Variants in TTYH3 observed in about 807,000 individuals in gnomAD.
The protein encoded by TTYH3 is protein tweety homolog 3.
Under a neutral mutation model 68.2 loss-of-function variants are expected in TTYH3, and 23 were observed. The observed-to-expected ratio is 0.34, with a 90% CI of 0.24 to 0.48. TTYH3 has a LOEUF of 0.48. Among genes scored for constraint, TTYH3 ranks in the 20% least tolerant of loss-of-function variants. The pLI is 0.99. For synonymous variants in TTYH3, 360 were observed against 332.8 expected (o/e 1.08, Z -0.89); for missense variants, 768 against 727.7 (o/e 1.06, Z -0.64).
Position 2,658,291 on chromosome 7 carries a change from CTGATGAGGACGGGGA to C in TTYH3, c.1257_1271del (p.Asp420_Glu424del). On this transcript the variant is annotated inframe_deletion, in exon 12 of 14. Transcript: ENST00000258796. ...CTGCGTGTCCCTCCTCACAGAGGCC[CTGATGAGGACGGGGA>C]GGAGGAGGCCGCTCCAGGGCCGCGG... The C allele has an allele frequency of 1.3e-6, 2 of 1,575,826 alleles. No individual in the cohort carries two copies. Among genetic ancestry groups the C allele is most frequent in the Non-Finnish European group, 1.7e-6 (2 of 1,159,494 alleles).
At chr7:2,642,998 G>C (rs1398571179) in intron 1 of TTYH3, among the ~76,000 whole-genome samples, 1 of 150,850 alleles carries the variant, frequency 6.6e-6, no homozygotes, top group Non-Finnish European at 1.5e-5. Context: ...GGGAGGCGGA[G>C]GTTTCAGTGA....
chr7:2,643,343 A>G (rs1785902247), intron 1 of TTYH3, among the ~76,000 whole-genome samples: 1 of 141,866 alleles, frequency 7.0e-6, no homozygotes. Flanking sequence ...CGACAGAGCG[A>G]GACTCTGTCT....
At chr7:2,656,682 T>TAGAGAGGC in intron 11 of TTYH3, 148 bp downstream of exon 11, 1 of 965,148 alleles carries the variant, frequency 1.0e-6, no homozygotes, top group Non-Finnish European at 1.4e-6. Flanking sequence ...CCTAGGCCTC[T>TAGAGAGGC]CTAGTGTCTC....
At chr7:2,648,132 C>A in intron 5 of TTYH3, 78 bp downstream of exon 5, 1 of 1,370,214 alleles carries the variant, frequency 7.3e-7, no homozygotes, top group Non-Finnish European at 1.0e-6. Context: ...CCTTCCCCCA[C>A]CTCATCTGCA....
chr7:2,636,697 A>G (rs1237773421), intron 1 of TTYH3, among the ~76,000 whole-genome samples: 5 of 152,060 alleles, frequency 3.3e-5, no homozygotes, highest in African/African-American at 4.8e-5. Flanking sequence ...GTCCCAGTCC[A>G]CTCAGGATTT....
rs190177039 is a variant in TTYH3 at position 2,650,911 on chromosome 7, C to T, written c.871+923C>T. Among the ~76,000 whole-genome samples, 115 of 151,756 alleles carry T rather than the reference C, an allele frequency of 7.6e-4. 1 individual carries two copies. The highest frequency in any genetic ancestry group is 6.8e-3 in the Middle Eastern group (2 of 294). On this transcript the variant is annotated intron_variant, in intron 7 of 13. Transcript: ENST00000258796. The stretch of plus-strand genomic sequence containing the variant: ...TGAGGGCGGAGCTGGCAGGACTTCC[C>T]GGTCAGTTGGATGTAGGGAGCGAGA...
Position 2,662,055 on chromosome 7 carries a change from A to C in TTYH3, c.*316A>C. On this transcript the variant is annotated 3_prime_UTR_variant, in exon 14 of 14. Transcript: ENST00000258796. ...GCACCTACAAGCCCTGGCCGCACCC[A>C]ACCTGTGTTGTTGCCGCCCGGCCCT... The C allele has an allele frequency of 1.9e-6, 1 of 528,652 alleles. No individual in the cohort carries two copies. The highest frequency in any genetic ancestry group is 3.4e-6 in the Non-Finnish European group (1 of 292,656). The allele number at this position is 528,652 out of a possible 1,614,324, so 32.7% of individuals were successfully genotyped here. A position where few individuals can be genotyped will look rare whatever the true frequency, so the allele number is the denominator to read the frequency against.
chr7:2,657,284 A>G (rs1406617455), intron 11 of TTYH3, among the ~76,000 whole-genome samples: 1 of 152,012 alleles, frequency 6.6e-6, no homozygotes, highest in African/African-American at 2.4e-5. Context: ...TTCCTTTGTG[A>G]TGGTGATGGT....
chr7:2,649,443 G>T, intron 5 of TTYH3, 124 bp from the exon 6 acceptor site: 1 of 941,196 alleles, frequency 1.1e-6, no homozygotes, highest in Non-Finnish European at 1.6e-6. Flanking sequence ...CACAGGAAGA[G>T]CCCCAGCCCA....
In TTYH3 at chr7:2,660,086, C is replaced by A. The variant is rs1283598239; in HGVS notation, c.1500+1071C>A. On this transcript the variant is annotated intron_variant, in intron 13 of 13. Transcript: ENST00000258796. ...CATCCCGCACGGCCACCCGCCTGCGCCTCCCGCCTCCACCCTGCACTCACT... is the reference window on the plus strand; with the variant it reads ...CATCCCGCACGGCCACCCGCCTGCGACTCCCGCCTCCACCCTGCACTCACT... 14 of 1,283,508 alleles carry A rather than the reference C, an allele frequency of 1.1e-5. No homozygotes were observed. The Admixed American group carries it at 3.3e-4, about 30-fold the overall frequency. 79.5% of individuals were successfully genotyped at this position (1,283,508 alleles called of 1,614,324 possible). A position where few individuals can be genotyped will look rare whatever the true frequency, so the allele number is the denominator to read the frequency against.
At chr7:2,653,132 G>A (rs1015627318) in intron 9 of TTYH3, 122 bp downstream of exon 9, 12 of 808,540 alleles carry the variant, frequency 1.5e-5, no homozygotes, top group East Asian at 2.7e-5. Flanking sequence ...TGGCCGAGTG[G>A]GGACCTGGTG....
At chr7:2,637,587 G>T (rs1237426581) in intron 1 of TTYH3, among the ~76,000 whole-genome samples, 1 of 152,190 alleles carries the variant, frequency 6.6e-6, no homozygotes, top group East Asian at 1.9e-4. Flanking sequence ...TCCCCCACCT[G>T]CCCCACCGTC....
chr7:2,639,444 T>A (rs866588390), intron 1 of TTYH3, among the ~76,000 whole-genome samples: 1 of 152,202 alleles, frequency 6.6e-6, no homozygotes, highest in Non-Finnish European at 1.5e-5. Context: ...GCCTCATTCC[T>A]CTTCCTGCCT....
Position 2,663,080 on chromosome 7 carries a change from G to GT in TTYH3, c.*1342dup, listed in dbSNP as rs1207273463. On this transcript the variant is annotated 3_prime_UTR_variant, in exon 14 of 14. Transcript: ENST00000258796. Reference sequence around the variant, plus strand: ...TACGATGTTTGCTGTGCTTCCCGCCGTGGAGGGCAGAGCCACCCCACATCA... The same window carrying GT: ...TACGATGTTTGCTGTGCTTCCCGCCGTTGGAGGGCAGAGCCACCCCACATCA... 4 of 152,352 alleles carry GT rather than the reference G, an allele frequency of 2.6e-5. No homozygotes were observed. Among genetic ancestry groups the GT allele is most frequent in the African/African-American group, 4.8e-5 (2 of 41,454 alleles). 9.4% of individuals were successfully genotyped at this position (152,352 alleles called of 1,614,324 possible).
intron 1 of TTYH3, among the ~76,000 whole-genome samples, chr7:2,640,216 G>A (rs1368692746): frequency 1.3e-5 from 2 of 152,182 alleles, no homozygotes; most frequent in African/African-American, 4.8e-5. Context: ...AGGCTGCATC[G>A]GGCCAAACTT....
chr7:2,644,342 T>C (rs2114982034), intron 1 of TTYH3, among the ~76,000 whole-genome samples: 1 of 152,254 alleles, frequency 6.6e-6, no homozygotes, highest in African/African-American at 2.4e-5. Context: ...GCGTGGCTTT[T>C]CCAAGCTCCC....
At chr7:2,652,613 C>T (rs773715038) in intron 8 of TTYH3, among the ~76,000 whole-genome samples, 1 of 152,192 alleles carries the variant, frequency 6.6e-6, no homozygotes, top group South Asian at 2.1e-4. Context: ...GCTGGTCAAG[C>T]CCTGTACACA....
intron 1 of TTYH3, among the ~76,000 whole-genome samples, chr7:2,643,096 C>T (rs991047975): frequency 4.0e-5 from 6 of 151,722 alleles, no homozygotes; most frequent in Non-Finnish European, 8.8e-5. Context: ...TGGTTCACGC[C>T]TGTAATCCCA....
chr7:2,642,906 T>C (rs1457971415), intron 1 of TTYH3, among the ~76,000 whole-genome samples: 1 of 146,990 alleles, frequency 6.8e-6, no homozygotes, highest in African/African-American at 2.5e-5. Context: ...CTACTGAAAA[T>C]ACAAAATTAG....
Sources: gnomAD v4.1 joint callset for allele counts (sites outside exome capture counted in the v4.1 genomes callset) on GRCh38, gnomAD v4.1.1 for gene constraint, MANE v1.5 for transcripts, NCBI Gene and HGNC (gene_info 2026-07-23, HGNC 2026-07-21) for gene names.